The following ERBB4 variants were observed in gnomAD, a reference collection of about 807,000 sequenced individuals.
ERBB4 encodes receptor tyrosine-protein kinase erbB-4.
Under a neutral mutation model 158.0 loss-of-function variants are expected in ERBB4, and 42 were observed. That is an observed-to-expected ratio of 0.27 (90% CI 0.21 to 0.34). The LOEUF (loss-of-function observed/expected upper bound fraction) is 0.34, where lower values mean the gene tolerates loss of function less well. Ranked by LOEUF, ERBB4 falls within the 10% of genes least tolerant of loss-of-function variation. The pLI, the probability that ERBB4 is intolerant of heterozygous loss-of-function variation, is 1.00. For synonymous variants in ERBB4, 583 were observed against 558.7 expected (o/e 1.04, Z -0.61); for missense variants, 1,333 against 1,624.1 (o/e 0.82, Z 3.08).
At chr2:211,960,007 A>G (rs1166299330) in intron 2 of ERBB4, among the ~76,000 whole-genome samples, 1 of 152,120 alleles carries the variant, frequency 6.6e-6, no homozygotes, top group African/African-American at 2.4e-5. Context: ...TGAAGTGGAT[A>G]CATTTGCCTG....
At chr2:212,406,134 A>G (rs1045909701) in intron 1 of ERBB4, among the ~76,000 whole-genome samples, 2 of 152,124 alleles carry the variant, frequency 1.3e-5, no homozygotes, top group African/African-American at 4.8e-5. Context: ...TTCTGATTTT[A>G]TTCCCATAGT....
At position 211,557,224 on chromosome 2, in the gene ERBB4, G is replaced by T. The variant is rs138384160; in HGVS notation, c.2487+4679C>A. ...GCATGGACAAAGATTTCATGATGAA[G>T]ATACCAAAAGGAATTGCAAGAAAAA... is the stretch of plus-strand genomic sequence containing the variant. On this transcript the variant is annotated intron_variant, in intron 20 of 27. Coordinates refer to ENST00000342788, the MANE Select transcript of ERBB4 (RefSeq NM_005235.3). Among the ~76,000 whole-genome samples the T allele has an allele frequency of 2.9e-3, 437 of 152,172 alleles. 1 individual carries two copies. Among genetic ancestry groups the T allele is most frequent in the African/African-American group, 1.0e-2 (414 of 41,536 alleles).
intron 19 of ERBB4, among the ~76,000 whole-genome samples, chr2:211,578,396 T>G (rs1396783908): frequency 6.6e-6 from 1 of 152,174 alleles, no homozygotes; most frequent in African/African-American, 2.4e-5. Context: ...ATTTATAGAT[T>G]CAACGTTATT....
At chr2:212,209,231 T>G (rs2082858902) in intron 1 of ERBB4, among the ~76,000 whole-genome samples, 1 of 152,176 alleles carries the variant, frequency 6.6e-6, no homozygotes, top group South Asian at 2.1e-4. Flanking sequence ...AACATTCTCC[T>G]TACTTAATAG....
chr2:212,118,733 A>C (rs1176203986), intron 2 of ERBB4, among the ~76,000 whole-genome samples: 1 of 152,092 alleles, frequency 6.6e-6, no homozygotes, highest in East Asian at 1.9e-4. Flanking sequence ...AAAAAAATAG[A>C]AATTTTTAGA....
At position 211,382,350 on chromosome 2, in the gene ERBB4, T is replaced by C. The variant is rs190636496; in HGVS notation, c.*1265A>G. 138 of 232,550 alleles carry C rather than the reference T, an allele frequency of 5.9e-4. No individual in the cohort carries two copies. The highest frequency in any genetic ancestry group is 1.0e-3 in the Non-Finnish European group (123 of 117,546). The allele number at this position is 232,550 out of a possible 1,614,324, so 14.4% of individuals were successfully genotyped here. ...AAGATAATGTGCTGGCCTCTCATCA[T>C]AGTCCCTGGATACCGTTGCAAGGTT... On this transcript the variant is annotated 3_prime_UTR_variant, in exon 28 of 28. Coordinates refer to ENST00000342788, the MANE Select transcript of ERBB4 (RefSeq NM_005235.3).
chr2:212,350,399 G>C lies in ERBB4; in HGVS notation c.82+188050C>G, dbSNP rs115746754. Among the ~76,000 whole-genome samples the C allele has an allele frequency of 9.7e-3, 1,482 of 152,146 alleles. 28 individuals are homozygous for C. Among genetic ancestry groups the C allele is most frequent in the African/African-American group, 0.034 (1,395 of 41,530 alleles). The stretch of plus-strand genomic sequence containing the variant: ...GTATGTTTACTATGGAATAAATATT[G>C]CATGAGATGAATTCCAAGAACATAA... On this transcript the variant is annotated intron_variant, in intron 1 of 27. Transcript: ENST00000342788.
chr2:212,319,912 G>A (rs2087479981), intron 1 of ERBB4, among the ~76,000 whole-genome samples: 1 of 150,172 alleles, frequency 6.7e-6, no homozygotes, highest in Non-Finnish European at 1.5e-5. Flanking sequence ...TAGGGGCCAA[G>A]AACACAATAT....
intron 2 of ERBB4, among the ~76,000 whole-genome samples, chr2:212,105,048 G>T (rs544972139): frequency 2.6e-5 from 4 of 152,130 alleles, no homozygotes; most frequent in African/African-American, 9.6e-5. Context: ...AAAAACCTGG[G>T]GACTAGAATG....
At chr2:212,042,004 C>A (rs1347903388) in intron 2 of ERBB4, among the ~76,000 whole-genome samples, 1 of 152,122 alleles carries the variant, frequency 6.6e-6, no homozygotes, top group Admixed American at 6.6e-5. Flanking sequence ...TGCTCTTGTT[C>A]CTCTTTGCCA....
rs562782023 is a variant in ERBB4, at chr2:212,454,626, G to A, written c.82+83823C>T. On this transcript the variant is annotated intron_variant, in intron 1 of 27. Transcript: ENST00000342788. ...TTAATGATTCCCATAAGTCTATTAT[G>A]AGAACTCTTCATTAATCAAAATTTT... is the stretch of plus-strand genomic sequence containing the variant. Among the ~76,000 whole-genome samples, 3 of 152,244 alleles carry A rather than the reference G, an allele frequency of 2.0e-5. No individual in the cohort carries two copies. In the South Asian group the frequency reaches 6.2e-4, roughly 32 times the overall value.
chr2:212,094,061 C>T (rs1209798813), intron 2 of ERBB4, among the ~76,000 whole-genome samples: 1 of 151,726 alleles, frequency 6.6e-6, no homozygotes, highest in African/African-American at 2.4e-5. Context: ...ACTCCTTAGA[C>T]CATAATATGG....
At chr2:211,923,987 G>C (rs2079947899) in intron 3 of ERBB4, among the ~76,000 whole-genome samples, 1 of 152,116 alleles carries the variant, frequency 6.6e-6, no homozygotes. Context: ...CTCCCAAAGT[G>C]CTGGGATTAC....
chr2:211,497,927 G>A (rs908432086), intron 20 of ERBB4, among the ~76,000 whole-genome samples: 37 of 152,074 alleles, frequency 2.4e-4, no homozygotes, highest in African/African-American at 8.9e-4. Flanking sequence ...AAGCCTCTAC[G>A]TTCAAGTTGT....
At chr2:212,297,713 T>A (rs1402227435) in intron 1 of ERBB4, among the ~76,000 whole-genome samples, 1 of 151,744 alleles carries the variant, frequency 6.6e-6, no homozygotes. Context: ...AAGTAAATAT[T>A]TCCAGAAAAC....
intron 1 of ERBB4, among the ~76,000 whole-genome samples, chr2:212,273,055 G>A (rs1455205130): frequency 6.6e-6 from 1 of 151,648 alleles, no homozygotes; most frequent in African/African-American, 2.4e-5. Flanking sequence ...ACTGACTAGG[G>A]AGGGCCACTA....
rs911821335 is a variant in ERBB4 at position 211,395,907 on chromosome 2, C to T, written c.3136-7915G>A. ...ATATCTGCTACTTGATATACTTTTA[C>T]CTTCACAGCATTTATCTCCAGATCT... On this transcript the variant is annotated intron_variant, in intron 25 of 27. Coordinates refer to ENST00000342788, the MANE Select transcript of ERBB4 (RefSeq NM_005235.3). Among the ~76,000 whole-genome samples the T allele has an allele frequency of 2.0e-5, 3 of 151,758 alleles. No individual in the cohort carries two copies. The South Asian group carries it at 6.2e-4, about 32-fold the overall frequency.
intron 3 of ERBB4, among the ~76,000 whole-genome samples, chr2:211,904,719 A>T (rs541397343): frequency 1.3e-5 from 2 of 152,268 alleles, no homozygotes; most frequent in East Asian, 3.9e-4. Context: ...ATAAAAGCAT[A>T]CTTGTCTACT....
At chr2:211,751,739 T>G (rs2075136082) in intron 4 of ERBB4, among the ~76,000 whole-genome samples, 1 of 152,144 alleles carries the variant, frequency 6.6e-6, no homozygotes, top group African/African-American at 2.4e-5. Context: ...AACCAGAAAG[T>G]TCTTACAACC....
Sources: gnomAD v4.1 joint callset for allele counts (sites outside exome capture counted in the v4.1 genomes callset) on GRCh38, gnomAD v4.1.1 for gene constraint, MANE v1.5 for transcripts, NCBI Gene and HGNC (gene_info 2026-07-23, HGNC 2026-07-21) for gene names.